HNRNPUL2: variants seen among roughly 807,000 people sequenced by gnomAD.
HNRNPUL2 encodes heterogeneous nuclear ribonucleoprotein U-like protein 2.
A neutral mutation model predicts 102.2 loss-of-function variants in HNRNPUL2; 27 were observed. That is an observed-to-expected ratio of 0.26 (90% CI 0.19 to 0.36). The LOEUF (loss-of-function observed/expected upper bound fraction) is 0.36. Ranked by LOEUF, HNRNPUL2 falls within the 10% of genes least tolerant of loss-of-function variation. The probability of loss-of-function intolerance (pLI) is 1.00; values close to 1 mark genes in which losing one functional copy is unlikely to be tolerated. For missense variants in HNRNPUL2, 936 were observed against 981.1 expected (o/e 0.95, Z 0.61); for synonymous variants, 458 against 387.2 (o/e 1.18, Z -2.15).
At chr11:62,726,434 A>G (rs1156241614) in intron 1 of HNRNPUL2, among the ~76,000 whole-genome samples, 185 bp downstream of exon 1, 1 of 152,232 alleles carries the variant, frequency 6.6e-6, no homozygotes, top group Admixed American at 6.5e-5. Context: ...TTCCTCCTGC[A>G]AAGAGTAGGG....
At chr11:62,725,526 C>G (rs987613667) in intron 1 of HNRNPUL2, among the ~76,000 whole-genome samples, 1 of 152,194 alleles carries the variant, frequency 6.6e-6, no homozygotes, top group African/African-American at 2.4e-5. Context: ...TTTATCTGCT[C>G]TTTGGGATAT....
intron 10 of HNRNPUL2, 80 bp from the exon 11 acceptor site, chr11:62,717,269 G>A: frequency 1.9e-6 from 2 of 1,079,002 alleles, no homozygotes; most frequent in Non-Finnish European, 2.7e-6. Context: ...TCTACAAGAA[G>A]CATATGACTT....
At chr11:62,721,254 A>G in intron 9 of HNRNPUL2, 41 bp downstream of exon 9, 1 of 1,563,982 alleles carries the variant, frequency 6.4e-7, no homozygotes, top group Non-Finnish European at 8.7e-7. Flanking sequence ...CTTTATATAC[A>G]CATCCCACCT....
intron 1 of HNRNPUL2, among the ~76,000 whole-genome samples, chr11:62,725,263 T>C (rs1287659146): frequency 2.0e-5 from 3 of 152,206 alleles, no homozygotes; most frequent in Non-Finnish European, 2.9e-5. Flanking sequence ...AGTGGCGCGA[T>C]CTCAGCTCAC....
Position 62,714,307 on chromosome 11 carries a change from G to A in HNRNPUL2, c.*992C>T, listed in dbSNP as rs1373016061. On this transcript the variant is annotated 3_prime_UTR_variant, in exon 14 of 14. Transcript: ENST00000301785. ...TCACCTATATACATATCCCGCTGCA[G>A]TGAAAAGAATCCTGCTGTGTTTTCG... 6.6e-6 allele frequency: 1 copy of A among 152,190 alleles called. No homozygotes were observed. The highest frequency in any genetic ancestry group is 1.5e-5 in the Non-Finnish European group (1 of 68,060). The allele number at this position is 152,190 out of a possible 1,614,324, so 9.4% of individuals were successfully genotyped here. A position where few individuals can be genotyped will look rare whatever the true frequency, so the allele number is the denominator to read the frequency against.
Position 62,721,306 on chromosome 11 carries a change from T to C in HNRNPUL2, c.1600A>G (p.Ile534Val), listed in dbSNP as rs773085294. The change falls in exon 9 of 14, where the codon ATT (isoleucine) becomes GTT (valine). Residue 534 changes from isoleucine to valine, a missense_variant. By Grantham distance (29) the Ile-to-Val change is conservative (BLOSUM62 3). Around this residue, in one of 2 missense-constraint regions of HNRNPUL2, gnomAD observed 609 missense variants for 713.0 expected, o/e 0.85. Coordinates refer to ENST00000301785, the MANE Select transcript of HNRNPUL2 (RefSeq NM_001079559.3). Reference protein sequence around the residue: ...QIASRTKRNFILDQCNVYNSG... With the variant: ...QIASRTKRNFVLDQCNVYNSG... ...TATCAGATTAATACCTGATCAAGAATAAAGTTCCTCTTTGTCCGGGAAGCA... is the reference window on the plus strand; with the variant it reads ...TATCAGATTAATACCTGATCAAGAACAAAGTTCCTCTTTGTCCGGGAAGCA... 8.1e-6 allele frequency: 13 copies of C among 1,608,038 alleles called. No individual in the cohort carries two copies. Among genetic ancestry groups the C allele is most frequent in the Middle Eastern group, 3.3e-4 (2 of 6,072 alleles).
In HNRNPUL2 at chr11:62,723,848, T is replaced by C. The variant is rs1425466238; in HGVS notation, c.751+66A>G. ...CTCATAGAATTTATAGGCTATGAAG[T>C]TTTAATCTCCAAAATCACTTTTAGG... is the stretch of plus-strand genomic sequence containing the variant. On this transcript the variant is annotated intron_variant, in intron 3 of 13. Transcript: ENST00000301785. 6 of 1,599,032 alleles carry C rather than the reference T, an allele frequency of 3.8e-6. No homozygotes were observed. The East Asian group carries it at 1.1e-4, about 30-fold the overall frequency.
chr11:62,716,136 C>A (rs1216495255), intron 11 of HNRNPUL2, among the ~76,000 whole-genome samples, 199 bp from the exon 12 acceptor site: 7 of 152,182 alleles, frequency 4.6e-5, no homozygotes, highest in African/African-American at 7.2e-5. Context: ...GGAACAGAGA[C>A]ACAAGAAAAC....
rs2083766085 is a variant in HNRNPUL2 at position 62,727,344 on chromosome 11, C to T, written c.-188G>A. ...TCCCGCTGCGCAGTGTTTGCTTCTC[C>T]TTCGTCTCCCCTCCCCCTTTCGGCT... On this transcript the variant is annotated 5_prime_UTR_variant, in exon 1 of 14. Coordinates refer to ENST00000301785, the MANE Select transcript of HNRNPUL2 (RefSeq NM_001079559.3). 5 of 661,528 alleles carry T rather than the reference C, an allele frequency of 7.6e-6. No individual in the cohort carries two copies. The highest frequency in any genetic ancestry group is 1.4e-4 in the South Asian group (2 of 14,482). 41.0% of individuals were successfully genotyped at this position (661,528 alleles called of 1,614,324 possible).
At chr11:62,716,067 C>CA (rs1297545863) in intron 11 of HNRNPUL2, 130 bp from the exon 12 acceptor site, 1 of 623,408 alleles carries the variant, frequency 1.6e-6, no homozygotes, top group African/African-American at 1.9e-5. Flanking sequence ...GCCAGGCTCA[C>CA]ACATGTTAAT....
In HNRNPUL2 at chr11:62,712,748, G is replaced by A. The variant is rs963349481; in HGVS notation, c.*2551C>T. ...AGTTACAGATGTAAACAATGACACA[G>A]TTACATTTTTTTTTTAAATGGTAAA... On this transcript the variant is annotated 3_prime_UTR_variant, in exon 14 of 14. Coordinates refer to ENST00000301785, the MANE Select transcript of HNRNPUL2 (RefSeq NM_001079559.3). 1 of 152,108 alleles carries A rather than the reference G, an allele frequency of 6.6e-6. No individual in the cohort carries two copies. Among genetic ancestry groups the A allele is most frequent in the African/African-American group, 2.4e-5 (1 of 41,406 alleles). 9.4% of individuals were successfully genotyped at this position (152,108 alleles called of 1,614,324 possible). A position where few individuals can be genotyped will look rare whatever the true frequency, so the allele number is the denominator to read the frequency against.
intron 8 of HNRNPUL2, 128 bp downstream of exon 8, chr11:62,721,692 T>TA: frequency 8.5e-7 from 1 of 1,174,028 alleles, no homozygotes; most frequent in Non-Finnish European, 1.2e-6. Context: ...CTAAAACGCA[T>TA]AGAGAAAAAT....
chr11:62,719,180 C>A (rs1007837920), intron 10 of HNRNPUL2, among the ~76,000 whole-genome samples: 1 of 152,136 alleles, frequency 6.6e-6, no homozygotes, highest in African/African-American at 2.4e-5. Context: ...CTAGGCACAG[C>A]GGCGTATGCC....
At position 62,714,336 on chromosome 11, in the gene HNRNPUL2, G is replaced by A. The variant is rs1344153333; in HGVS notation, c.*963C>T. On this transcript the variant is annotated 3_prime_UTR_variant, in exon 14 of 14. Transcript: ENST00000301785. ...AAAGAATCCTGCTGTGTTTTCGTGT[G>A]AGCTGAAACCCTGAGAAACGTTCCT... is the stretch of plus-strand genomic sequence containing the variant. 1 of 152,204 alleles carries A rather than the reference G, an allele frequency of 6.6e-6. No individual in the cohort carries two copies. Among genetic ancestry groups the A allele is most frequent in the Non-Finnish European group, 1.5e-5 (1 of 68,064 alleles). The allele number at this position is 152,204 out of a possible 1,614,324, so 9.4% of individuals were successfully genotyped here. A position where few individuals can be genotyped will look rare whatever the true frequency, so the allele number is the denominator to read the frequency against.
chr11:62,722,759 G>C, intron 5 of HNRNPUL2, 46 bp from the exon 6 acceptor site: 3 of 1,599,238 alleles, frequency 1.9e-6, no homozygotes, highest in Non-Finnish European at 2.6e-6. Context: ...ACTTCCCATA[G>C]AGTAAGCAAT....
At chr11:62,717,274 T>C in intron 10 of HNRNPUL2, 85 bp from the exon 11 acceptor site, 1 of 965,590 alleles carries the variant, frequency 1.0e-6, no homozygotes, top group Admixed American at 2.4e-5. Context: ...AAGAAGCATA[T>C]GACTTTCTAT....
At chr11:62,719,387 G>C (rs1037372933) in intron 10 of HNRNPUL2, among the ~76,000 whole-genome samples, 1 of 152,166 alleles carries the variant, frequency 6.6e-6, no homozygotes, top group African/African-American at 2.4e-5. Context: ...GGAGGTGGAC[G>C]TTGCAGTGAG....
Position 62,720,051 on chromosome 11 carries a change from C to A in HNRNPUL2, c.1752G>T (p.Val584=). The A allele has an allele frequency of 6.2e-7, 1 of 1,614,152 alleles. No individual in the cohort carries two copies. Among genetic ancestry groups the A allele is most frequent in the Non-Finnish European group, 8.5e-7 (1 of 1,180,006 alleles). ...TCATCTCCAGCATTATAGATTCAGG[C>A]ACATCATCTCCCTCTACTTCCTTCC... ...ELRKEVEGDD[V]PESIMLEMKA... is the part of the protein sequence containing the mutation. The change falls in exon 10 of 14, where the codon GTG becomes GTT. Residue 584 remains valine, a synonymous_variant. Transcript: ENST00000301785.
At chr11:62,723,768 C>T (rs757932628) in intron 3 of HNRNPUL2, 42 bp from the exon 4 acceptor site, 6 of 1,612,758 alleles carry the variant, frequency 3.7e-6, no homozygotes, top group African/African-American at 2.7e-5. Flanking sequence ...ATGTCCAATA[C>T]TTGTAAGCCG....
Sources: gnomAD v4.1 joint callset for allele counts (sites outside exome capture counted in the v4.1 genomes callset) on GRCh38, gnomAD v4.1.1 for gene constraint, gnomAD v4.1.1 regional missense constraint, MANE v1.5 for transcripts, NCBI Gene and HGNC (gene_info 2026-07-23, HGNC 2026-07-21) for gene names.